The following DMAC2 variants were observed in gnomAD, a reference collection of about 807,000 sequenced individuals.
The protein encoded by DMAC2 is distal membrane arm assembly component 2, also known as distal membrane-arm assembly complex protein 2.
DMAC2 carries 32 observed loss-of-function variants against 29.6 expected under a neutral mutation model. That is an observed-to-expected ratio of 1.08 (90% CI 0.81 to 1.45). The LOEUF (loss-of-function observed/expected upper bound fraction) is 1.45, where lower values mean the gene tolerates loss of function less well. DMAC2 is among the 40% of genes most tolerant of loss of function. The pLI, the probability that DMAC2 is intolerant of heterozygous loss-of-function variation, is 0.00. For missense variants in DMAC2, 319 were observed against 340.0 expected (o/e 0.94, Z 0.49); for synonymous variants, 133 against 137.4 (o/e 0.97, Z 0.23).
Position 41,433,615 on chromosome 19 carries a change from A to G in DMAC2, c.355T>C (p.Trp119Arg). The G allele has an allele frequency of 1.9e-6, 3 of 1,614,242 alleles. No individual in the cohort carries two copies. The highest frequency in any genetic ancestry group is 2.5e-6 in the Non-Finnish European group (3 of 1,180,044). Residue 119 changes from tryptophan to arginine, a missense_variant, in exon 4 of 6, where the codon TGG (tryptophan) becomes CGG (arginine). Physicochemically the swap from Trp to Arg is moderately radical, Grantham distance 101 (BLOSUM62 -3). Transcript: ENST00000221943. ...TCGACAGGCACTTCACAGAAATTCCAGAACTCCTGAGAGAAATGGCCATAC... is the reference window on the plus strand; with the variant it reads ...TCGACAGGCACTTCACAGAAATTCCGGAACTCCTGAGAGAAATGGCCATAC... ...DKYGHFSQEF[W>R]NFCEVPVEAV...
intron 5 of DMAC2, chr19:41,432,857 T>G: frequency 2.1e-6 from 1 of 487,054 alleles, no homozygotes; most frequent in Non-Finnish European, 3.6e-6. Context: ...TACAGGACAG[T>G]GTGTGTGCGT....
intron 5 of DMAC2, chr19:41,432,976 A>G: frequency 1.9e-6 from 1 of 525,556 alleles, no homozygotes; most frequent in Non-Finnish European, 3.3e-6. Context: ...ATAGCTGTCC[A>G]GGCACATGAA....
chr19:41,439,454 C>G (rs1555772301), intron 1 of DMAC2: 2 of 1,531,558 alleles, frequency 1.3e-6, no homozygotes, highest in Non-Finnish European at 1.8e-6. Context: ...ATTCGTCAAT[C>G]TCCCACTAAC....
chr19:41,435,171 T>A (rs2039792353), intron 3 of DMAC2, among the ~76,000 whole-genome samples: 1 of 151,690 alleles, frequency 6.6e-6, no homozygotes, highest in Non-Finnish European at 1.5e-5. Flanking sequence ...AGAGACGAGG[T>A]TTCACTATGT....
intron 2 of DMAC2, among the ~76,000 whole-genome samples, chr19:41,437,357 C>T (rs1390548327): frequency 1.3e-5 from 2 of 151,762 alleles, no homozygotes; most frequent in African/African-American, 4.8e-5. Flanking sequence ...GATCACACCA[C>T]TGTACTCCAG....
intron 3 of DMAC2, among the ~76,000 whole-genome samples, chr19:41,435,299 T>C (rs1282405516): frequency 6.6e-6 from 1 of 152,026 alleles, no homozygotes; most frequent in Non-Finnish European, 1.5e-5. Context: ...AGACAGAGTC[T>C]TGCTCTGTCA....
intron 1 of DMAC2, chr19:41,439,629 C>A (rs1292841374): frequency 3.7e-5 from 54 of 1,452,144 alleles, no homozygotes; most frequent in Non-Finnish European, 4.8e-5. Context: ...GCAGCCACTC[C>A]CTCATCCCCA....
In DMAC2 at chr19:41,436,560, A is replaced by G. The variant is rs1480969530; in HGVS notation, c.216-88T>C. 3.8e-6 allele frequency: 4 copies of G among 1,047,224 alleles called. No homozygotes were observed. The African/African-American group carries it at 4.7e-5, about 12-fold the overall frequency. 64.9% of individuals were successfully genotyped at this position (1,047,224 alleles called of 1,614,324 possible). On this transcript the variant is annotated intron_variant, in intron 2 of 5. Coordinates refer to ENST00000221943, the MANE Select transcript of DMAC2 (RefSeq NM_018035.3). ...AGTGCTGTTAAGAGGGGCAGAGTCC[A>G]GAGAACCAGGCACACAGACAGATTC...
chr19:41,436,559 C>A, intron 2 of DMAC2, 87 bp from the exon 3 acceptor site: 2 of 1,042,650 alleles, frequency 1.9e-6, no homozygotes, highest in South Asian at 2.6e-5. Flanking sequence ...GGGCAGAGTC[C>A]AGAGAACCAG....
chr19:41,439,486 GTCT>G (rs2040040591), intron 1 of DMAC2: 7 of 1,536,676 alleles, frequency 4.6e-6, no homozygotes, highest in Non-Finnish European at 6.1e-6. Context: ...TCATCCTTCG[GTCT>G]TCTAAGACCA....
chr19:41,439,637 C>A, intron 1 of DMAC2: 1 of 1,418,998 alleles, frequency 7.0e-7, no homozygotes, highest in Non-Finnish European at 9.5e-7. Flanking sequence ...TCCCTCATCC[C>A]CATTGGATAC....
Position 41,439,772 on chromosome 19 carries a change from A to G in DMAC2, c.18+110T>C. ...TCCCAGTACGGGGCTTGCCAGGCTT[A>G]GCCTGCTGCCTCACGGCTTTCTGCT... On this transcript the variant is annotated intron_variant, in intron 1 of 5. Transcript: ENST00000221943. The G allele has an allele frequency of 3.9e-6, 6 of 1,558,380 alleles. No homozygotes were observed. The Admixed American group carries it at 1.0e-4, about 26-fold the overall frequency.
At chr19:41,439,796 C>T in intron 1 of DMAC2, 86 bp downstream of exon 1, 1 of 1,597,798 alleles carries the variant, frequency 6.3e-7, no homozygotes, top group East Asian at 2.2e-5. Flanking sequence ...CGGCTTTCTG[C>T]TCTCGTGGCC....
Position 41,431,947 on chromosome 19 carries a change from G to GT in DMAC2, c.*283dup. ...AGTTTGAGAAGAGTCTCCTGACAAGGTGAGTGTGGCTCTCTGCGGCTACTA... is the reference window on the plus strand; with the variant it reads ...AGTTTGAGAAGAGTCTCCTGACAAGGTTGAGTGTGGCTCTCTGCGGCTACTA... On this transcript the variant is annotated 3_prime_UTR_variant, in exon 6 of 6. Coordinates refer to ENST00000221943, the MANE Select transcript of DMAC2 (RefSeq NM_018035.3). 1 of 496,358 alleles carries GT rather than the reference G, an allele frequency of 2.0e-6. No individual in the cohort carries two copies. Among genetic ancestry groups the GT allele is most frequent in the Non-Finnish European group, 3.6e-6 (1 of 274,244 alleles). The allele number at this position is 496,358 out of a possible 1,614,324, so 30.7% of individuals were successfully genotyped here. A position where few individuals can be genotyped will look rare whatever the true frequency, so the allele number is the denominator to read the frequency against.
rs782218419 is a variant in DMAC2, at chr19:41,433,512, CCCATCT to C, written c.433+19_433+24del. 1 of 1,614,156 alleles carries C rather than the reference CCCATCT, an allele frequency of 6.2e-7. No individual in the cohort carries two copies. Among genetic ancestry groups the C allele is most frequent in the Non-Finnish European group, 8.5e-7 (1 of 1,179,992 alleles). On this transcript the variant is annotated intron_variant, in intron 4 of 5. Transcript: ENST00000221943. Reference sequence around the variant, plus strand: ...CCAAAGGGAAAACATAGAGGCCTGTCCCATCTCCACCCCACCGCACTCACGGAGGTT... The same window carrying C: ...CCAAAGGGAAAACATAGAGGCCTGTCCCACCCCACCGCACTCACGGAGGTT...
intron 5 of DMAC2, chr19:41,432,706 CGTGTGTGTGTGTGTGTGTGTGTGT>C: frequency 4.8e-6 from 1 of 207,492 alleles, no homozygotes. Flanking sequence ...ATAAGGACAG[CGTGTGTGTGTGTGTGTGTGTGTGT>C]AGGGAGGTAC....
intron 1 of DMAC2, chr19:41,439,473 C>G (rs782070677): frequency 2.0e-6 from 3 of 1,536,772 alleles, no homozygotes; most frequent in Non-Finnish European, 1.7e-6. Flanking sequence ...ACTTTCCTTA[C>G]ATTCATCCTT....
At chr19:41,435,270 CATTATT>C (rs748887079) in intron 3 of DMAC2, among the ~76,000 whole-genome samples, 71 of 151,772 alleles carry the variant, frequency 4.7e-4, no homozygotes, top group Non-Finnish European at 8.4e-4. Context: ...CACGCCCAGC[CATTATT>C]ATTATTATTT....
At chr19:41,433,795 T>C (rs2039711481) in intron 3 of DMAC2, 122 bp from the exon 4 acceptor site, 1 of 1,368,482 alleles carries the variant, frequency 7.3e-7, no homozygotes, top group Non-Finnish European at 1.0e-6. Context: ...ACTAATTCCA[T>C]CTTAGAAAAA....
Sources: gnomAD v4.1 joint callset for allele counts (sites outside exome capture counted in the v4.1 genomes callset) on GRCh38, gnomAD v4.1.1 for gene constraint, MANE v1.5 for transcripts, NCBI Gene and HGNC (gene_info 2026-07-23, HGNC 2026-07-21) for gene names.